SPTLC3: variants seen among roughly 807,000 people sequenced by gnomAD.
SPTLC3 encodes the protein serine palmitoyltransferase 3.
In SPTLC3, 36 loss-of-function variants were observed where a neutral mutation model predicts 59.3. The ratio of observed to expected loss-of-function variants is 0.61; its 90% confidence interval spans 0.47 to 0.80. The LOEUF (loss-of-function observed/expected upper bound fraction) is 0.80, where lower values mean the gene tolerates loss of function less well. Among genes scored for constraint, SPTLC3 ranks in the 30% least tolerant of loss-of-function variants. SPTLC3 has a pLI of 0.00. For synonymous variants in SPTLC3, 257 were observed against 240.8 expected, an observed-to-expected ratio of 1.07 and a Z score of -0.62; for missense variants, 625 against 685.1, an observed-to-expected ratio of 0.91 and a Z score of 0.98.
chr20:13,108,848 G>T (rs1198858455), intron 6 of SPTLC3, among the ~76,000 whole-genome samples: 2 of 152,162 alleles, frequency 1.3e-5, no homozygotes, highest in Non-Finnish European at 2.9e-5. Flanking sequence ...ATTTTAAATG[G>T]TGTTTCTAAT....
intron 9 of SPTLC3, among the ~76,000 whole-genome samples, chr20:13,152,276 A>T (rs542371387): frequency 1.3e-5 from 2 of 152,354 alleles, no homozygotes; most frequent in East Asian, 3.9e-4. Context: ...TCAAGAGCTT[A>T]TAACAGTGGT....
chr20:13,133,551 A>C (rs113094705), intron 9 of SPTLC3, among the ~76,000 whole-genome samples: 1 of 152,078 alleles, frequency 6.6e-6, no homozygotes, highest in African/African-American at 2.4e-5. Flanking sequence ...CTGGCCAACA[A>C]GGCAAAACCC....
chr20:13,135,767 T>C (rs992928142), intron 9 of SPTLC3, among the ~76,000 whole-genome samples: 3 of 152,266 alleles, frequency 2.0e-5, no homozygotes, highest in African/African-American at 4.8e-5. Context: ...GATTACTCCA[T>C]TGACGAGTTC....
chr20:13,037,789 A>T (rs756424139), intron 1 of SPTLC3, among the ~76,000 whole-genome samples: 1 of 152,156 alleles, frequency 6.6e-6, no homozygotes, highest in East Asian at 1.9e-4. Flanking sequence ...TAGCTTAACC[A>T]TGAGTTTTAT....
At chr20:13,056,741 CT>C (rs34096106) in intron 2 of SPTLC3, among the ~76,000 whole-genome samples, 17,986 of 129,094 alleles carry the variant, frequency 0.14, 1,216 homozygotes, top group Middle Eastern at 0.29. Flanking sequence ...CATCCTTAAT[CT>C]TTTTTTTTTT....
intron 4 of SPTLC3, among the ~76,000 whole-genome samples, chr20:13,082,745 A>G (rs1988881888): frequency 6.6e-6 from 1 of 152,192 alleles, no homozygotes; most frequent in South Asian, 2.1e-4. Context: ...ACTGAGCCAC[A>G]TTTCCAAATC....
intron 6 of SPTLC3, among the ~76,000 whole-genome samples, chr20:13,106,600 G>A (rs1036023232): frequency 6.6e-5 from 10 of 152,154 alleles, no homozygotes; most frequent in African/African-American, 2.4e-4. Context: ...GGCTATATCA[G>A]GAAGGGCCAT....
At chr20:13,061,213 T>C (rs1210371433) in intron 2 of SPTLC3, among the ~76,000 whole-genome samples, 2 of 152,188 alleles carry the variant, frequency 1.3e-5, no homozygotes, top group African/African-American at 4.8e-5. Flanking sequence ...GTGCATATGC[T>C]CTACCTTGTT....
chr20:13,114,580 G>T (rs1990430270), intron 7 of SPTLC3, among the ~76,000 whole-genome samples: 1 of 152,192 alleles, frequency 6.6e-6, no homozygotes, highest in African/African-American at 2.4e-5. Flanking sequence ...AAGAATGTAA[G>T]CTATTCTCCT....
intron 1 of SPTLC3, among the ~76,000 whole-genome samples, chr20:13,014,825 C>T (rs920327485): frequency 4.6e-5 from 7 of 151,966 alleles, no homozygotes; most frequent in South Asian, 2.1e-4. Flanking sequence ...CAACCAATTC[C>T]GGTCCATAAT....
intron 2 of SPTLC3, among the ~76,000 whole-genome samples, chr20:13,071,822 G>C (rs1988448373): frequency 6.6e-6 from 1 of 152,168 alleles, no homozygotes; most frequent in Non-Finnish European, 1.5e-5. Context: ...CCCTCGAGTA[G>C]CAGTTTTGCC....
At chr20:13,154,257 G>A (rs930515373) in intron 10 of SPTLC3, 119 bp downstream of exon 10, 60 of 1,312,212 alleles carry the variant, frequency 4.6e-5, no homozygotes, top group South Asian at 2.3e-4. Context: ...GAATTCACTC[G>A]TACGGCTTCT....
intron 8 of SPTLC3, among the ~76,000 whole-genome samples, chr20:13,124,065 T>C (rs1395226486): frequency 6.6e-6 from 1 of 152,242 alleles, no homozygotes; most frequent in Non-Finnish European, 1.5e-5. Context: ...CTGTGGCTGA[T>C]GAATTCAGTC....
chr20:13,115,890 A>ATGTTCTCTGCT (rs1424668867), intron 7 of SPTLC3, among the ~76,000 whole-genome samples: 2 of 152,214 alleles, frequency 1.3e-5, no homozygotes, highest in African/African-American at 4.8e-5. Context: ...AGCAGAGAAC[A>ATGTTCTCTGCT]TCACGCAAAT....
At chr20:13,164,161 T>G (rs2038951154) in intron 11 of SPTLC3, among the ~76,000 whole-genome samples, 1 of 152,122 alleles carries the variant, frequency 6.6e-6, no homozygotes, top group South Asian at 2.1e-4. Flanking sequence ...TTGTTTCATG[T>G]GCAAAATGGG....
chr20:13,056,009 C>A (rs1410171274), intron 2 of SPTLC3, among the ~76,000 whole-genome samples: 2 of 152,052 alleles, frequency 1.3e-5, no homozygotes, highest in African/African-American at 4.8e-5. Flanking sequence ...GGAGGAAGAT[C>A]CCTTCAGACC....
chr20:13,134,320 C>T (rs1457484035), intron 9 of SPTLC3, among the ~76,000 whole-genome samples: 1 of 152,220 alleles, frequency 6.6e-6, no homozygotes, highest in African/African-American at 2.4e-5. Context: ...AGTAAATAAA[C>T]TTGCTCATCA....
chr20:13,074,235 G>T, intron 3 of SPTLC3, 114 bp from the exon 4 acceptor site: 1 of 1,316,790 alleles, frequency 7.6e-7, no homozygotes, highest in Non-Finnish European at 1.1e-6. Flanking sequence ...CCATCTCCTT[G>T]GTCACCTCAT....
chr20:13,039,018 C>G (rs561686584), intron 1 of SPTLC3, among the ~76,000 whole-genome samples: 1 of 151,954 alleles, frequency 6.6e-6, no homozygotes, highest in Non-Finnish European at 1.5e-5. Flanking sequence ...TAATTTCAAG[C>G]TTTTTACATT....
Sources: gnomAD v4.1 joint callset for allele counts (sites outside exome capture counted in the v4.1 genomes callset) on GRCh38, gnomAD v4.1.1 for gene constraint, MANE v1.5 for transcripts, NCBI Gene and HGNC (gene_info 2026-07-23, HGNC 2026-07-21) for gene names.